RUFY3: variants seen among roughly 807,000 people sequenced by gnomAD.
The protein encoded by RUFY3 is protein RUFY3.
A neutral mutation model predicts 84.0 loss-of-function variants in RUFY3; 34 were observed. The observed-to-expected ratio is 0.40, with a 90% CI of 0.31 to 0.54. RUFY3 has a LOEUF of 0.54. RUFY3 is among the 20% of genes least tolerant of loss of function. RUFY3 has a pLI of 0.39. For synonymous variants in RUFY3, 242 were observed against 252.9 expected, an observed-to-expected ratio of 0.96 and a Z score of 0.41; for missense variants, 507 against 736.8, an observed-to-expected ratio of 0.69 and a Z score of 3.61.
At chr4:70,725,200 C>T (rs528456354) in intron 1 of RUFY3, among the ~76,000 whole-genome samples, 25 of 152,244 alleles carry the variant, frequency 1.6e-4, no homozygotes, top group Admixed American at 9.2e-4. Context: ...CTGAGCAGTC[C>T]GCAGTATAGG....
At chr4:70,801,048 T>A (rs938266642) in intron 15 of RUFY3, among the ~76,000 whole-genome samples, 9 of 152,070 alleles carry the variant, frequency 5.9e-5, no homozygotes, top group African/African-American at 2.2e-4. Flanking sequence ...AAGCTGACTT[T>A]TTATAGTTAT....
At chr4:70,704,983 G>A in exon 1 of RUFY3, 1 of 1,226,938 alleles carries the variant, frequency 8.2e-7, no homozygotes, top group Non-Finnish European at 1.0e-6. Context: ...GAAAGTTGCA[G>A]CGAGGAGCCG....
chr4:70,734,354 C>T (rs1719934164), intron 1 of RUFY3: 2 of 970,024 alleles, frequency 2.1e-6, no homozygotes, highest in Middle Eastern at 5.3e-4. Flanking sequence ...TTGTAATTGG[C>T]CCTTGGTGAG....
chr4:70,784,462 G>A (rs544551139), intron 9 of RUFY3, among the ~76,000 whole-genome samples: 9 of 151,526 alleles, frequency 5.9e-5, no homozygotes, highest in African/African-American at 1.9e-4. Flanking sequence ...CAGCCTGGGC[G>A]ACAGAGTGAG....
intron 1 of RUFY3, among the ~76,000 whole-genome samples, chr4:70,714,917 G>T (rs1220499765): frequency 6.6e-6 from 1 of 152,154 alleles, no homozygotes; most frequent in East Asian, 1.9e-4. Context: ...ACTTTTCAGG[G>T]TAGAGGTTAT....
Position 70,763,604 on chromosome 4 carries a change from G to A in RUFY3, c.405G>A (p.Leu135=), listed in dbSNP as rs369176147. The change falls in exon 3 of 18, where the codon CTG becomes CTA. Residue 135 remains leucine (L), a synonymous_variant. Transcript: ENST00000381006. Reference sequence around the variant, plus strand: ...AATCCTTCTGGGGGCCTCTAGAACTGGTAGAAAAGCTTGTTCCAGAAGCCG... The same window carrying A: ...AATCCTTCTGGGGGCCTCTAGAACTAGTAGAAAAGCTTGTTCCAGAAGCCG... ...QNKSFWGPLE[L]VEKLVPEAAE... 56 of 1,613,262 alleles carry A rather than the reference G, an allele frequency of 3.5e-5. No homozygotes were observed. In the African/African-American group the frequency reaches 6.5e-4, roughly 19 times the overall value.
upstream of RUFY3, among the ~76,000 whole-genome samples, chr4:70,720,474 G>A (rs748041250): frequency 9.9e-5 from 15 of 152,154 alleles, no homozygotes; most frequent in Admixed American, 2.6e-4. Context: ...ATGAGCCACC[G>A]CGCCCAGCCA....
At chr4:70,774,670 T>TATAAAA (rs766227141) in intron 6 of RUFY3, among the ~76,000 whole-genome samples, 11 of 81,076 alleles carry the variant, frequency 1.4e-4, no homozygotes, top group African/African-American at 5.8e-4. Context: ...TATATATATA[T>TATAAAA]AAAATAAACA....
intron 1 of RUFY3, among the ~76,000 whole-genome samples, chr4:70,749,616 C>T (rs1722798081): frequency 6.7e-6 from 1 of 149,652 alleles, no homozygotes; most frequent in African/African-American, 2.5e-5. Context: ...AAACCTTGAC[C>T]TGGAGTAAGA....
chr4:70,772,633 T>G (rs747652718), intron 5 of RUFY3, among the ~76,000 whole-genome samples: 53 of 152,220 alleles, frequency 3.5e-4, no homozygotes, highest in Non-Finnish European at 5.4e-4. Flanking sequence ...AAGTAAGATT[T>G]TTTGGTGTGG....
At position 70,808,383 on chromosome 4, in the gene RUFY3, A is replaced by G. The variant is rs1733032088; in HGVS notation, c.*1724A>G. Among the ~76,000 whole-genome samples, 1 of 152,218 alleles carries G rather than the reference A, an allele frequency of 6.6e-6. No individual in the cohort carries two copies. The highest frequency in any genetic ancestry group is 1.5e-5 in the Non-Finnish European group (1 of 68,022). ...CATTACATAATATTTTGATTCTGTT[A>G]CGTGTGTCTATAGATTGTTTCATTC... On this transcript the variant is annotated 3_prime_UTR_variant, in exon 18 of 18. Transcript: ENST00000381006.
At chr4:70,717,873 ATTTTTTTT>A (rs1165078654), upstream of RUFY3, among the ~76,000 whole-genome samples, 6 of 82,370 alleles carry the variant, frequency 7.3e-5, no homozygotes, top group African/African-American at 3.3e-4. Flanking sequence ...TTGACATGGT[ATTTTTTTT>A]TTTTTTTTTT....
rs929853165 is a variant in RUFY3 at position 70,733,153 on chromosome 4, A to G, written c.178+10402A>G. Among the ~76,000 whole-genome samples the G allele has an allele frequency of 5.8e-4, 86 of 148,750 alleles. 1 individual carries two copies. Among genetic ancestry groups the G allele is most frequent in the African/African-American group, 1.9e-3 (76 of 39,366 alleles). On this transcript the variant is annotated intron_variant, in intron 1 of 17. Transcript: ENST00000381006. ...GGGAGGGAGGGAGAGAGAGAGAGAGAGAGAGAGAGAGAGAAAGAAAGAAAG... is the reference window on the plus strand; with the variant it reads ...GGGAGGGAGGGAGAGAGAGAGAGAGGGAGAGAGAGAGAGAAAGAAAGAAAG...
chr4:70,754,467 G>C (rs1186383599), intron 1 of RUFY3, among the ~76,000 whole-genome samples: 2 of 151,840 alleles, frequency 1.3e-5, no homozygotes, highest in Non-Finnish European at 2.9e-5. Flanking sequence ...ATTAAGAATA[G>C]ATAGATATAG....
intron 8 of RUFY3, among the ~76,000 whole-genome samples, chr4:70,782,662 C>T (rs924178982): frequency 6.6e-6 from 1 of 152,008 alleles, no homozygotes; most frequent in Non-Finnish European, 1.5e-5. Flanking sequence ...CCTATAATCC[C>T]AGCACTTTGG....
chr4:70,735,989 A>C (rs1720216297), intron 1 of RUFY3, among the ~76,000 whole-genome samples: 1 of 151,658 alleles, frequency 6.6e-6, no homozygotes, highest in Non-Finnish European at 1.5e-5. Flanking sequence ...ACTTCATCTC[A>C]AAAAAAATTA....
At chr4:70,794,206 T>G (rs1416264900) in intron 13 of RUFY3, among the ~76,000 whole-genome samples, 1 of 152,198 alleles carries the variant, frequency 6.6e-6, no homozygotes, top group Non-Finnish European at 1.5e-5. Flanking sequence ...GCCAGATACT[T>G]TAGGCACTTC....
At chr4:70,768,905 C>A (rs191769562) in intron 5 of RUFY3, among the ~76,000 whole-genome samples, 263 of 152,258 alleles carry the variant, frequency 1.7e-3, no homozygotes, top group Non-Finnish European at 2.9e-3. Context: ...TACATATACA[C>A]ACACACACAT....
chr4:70,729,122 G>A (rs893885633), intron 1 of RUFY3, among the ~76,000 whole-genome samples: 1 of 152,176 alleles, frequency 6.6e-6, no homozygotes, highest in Admixed American at 6.5e-5. Flanking sequence ...TACTGTGATG[G>A]TCATTAATTT....
Sources: allele counts gnomAD v4.1 joint callset (sites outside exome capture counted in the v4.1 genomes callset), GRCh38; gene constraint gnomAD v4.1.1; transcripts MANE v1.5; gene names NCBI Gene and HGNC (gene_info 2026-07-23, HGNC 2026-07-21).